RBMS3: variants seen among roughly 807,000 people sequenced by gnomAD.
RBMS3 encodes the protein RNA binding motif single stranded interacting protein 3, also known as RNA-binding motif, single-stranded-interacting protein 3.
RBMS3 carries 27 observed loss-of-function variants against 66.8 expected under a neutral mutation model. The ratio of observed to expected loss-of-function variants is 0.40; its 90% CI spans 0.30 to 0.56. The LOEUF is 0.56. Ranked by LOEUF, RBMS3 falls within the 20% of genes least tolerant of loss-of-function variation. The pLI is 0.40. For synonymous variants in RBMS3, 188 were observed against 183.0 expected (o/e 1.03, Z -0.22); for missense variants, 513 against 549.5 (o/e 0.93, Z 0.66).
intron 4 of RBMS3, among the ~76,000 whole-genome samples, chr3:29,693,257 T>G (rs570411219): frequency 6.6e-6 from 1 of 152,330 alleles, no homozygotes; most frequent in East Asian, 1.9e-4. Context: ...TGTGTGATGC[T>G]GTACAGAGCA....
At chr3:29,415,296 C>A (rs1490596056) in intron 1 of RBMS3, among the ~76,000 whole-genome samples, 1 of 152,040 alleles carries the variant, frequency 6.6e-6, no homozygotes, top group Non-Finnish European at 1.5e-5. Flanking sequence ...AGGAAGCAAT[C>A]GTTTTTCTTT....
chr3:29,371,553 A>G (rs2038204075), intron 1 of RBMS3, among the ~76,000 whole-genome samples: 1 of 152,234 alleles, frequency 6.6e-6, no homozygotes, highest in African/African-American at 2.4e-5. Context: ...ATATTAAAAC[A>G]TGATAGTGAT....
chr3:29,445,186 G>A (rs981875509), intron 2 of RBMS3, among the ~76,000 whole-genome samples: 1 of 152,012 alleles, frequency 6.6e-6, no homozygotes, highest in Non-Finnish European at 1.5e-5. Context: ...CTTGTTCTAA[G>A]GTAGAGTTTG....
intron 4 of RBMS3, among the ~76,000 whole-genome samples, chr3:29,688,757 AT>A (rs1359036884): frequency 4.0e-5 from 6 of 151,328 alleles, no homozygotes; most frequent in Non-Finnish European, 7.4e-5. Context: ...TGATTTTTGT[AT>A]TTTTAGTATA....
chr3:29,852,957 C>T (rs1233358681), intron 6 of RBMS3, among the ~76,000 whole-genome samples: 1 of 152,186 alleles, frequency 6.6e-6, no homozygotes, highest in Non-Finnish European at 1.5e-5. Flanking sequence ...GGTACAGATA[C>T]ATCATGGAAT....
intron 1 of RBMS3, among the ~76,000 whole-genome samples, chr3:29,287,504 TA>T (rs1472706620): frequency 6.6e-6 from 1 of 152,056 alleles, no homozygotes; most frequent in East Asian, 1.9e-4. Context: ...TATTGCTTTT[TA>T]AAGATATTTG....
At chr3:29,702,987 C>A (rs192494898) in intron 4 of RBMS3, among the ~76,000 whole-genome samples, 1 of 152,188 alleles carries the variant, frequency 6.6e-6, no homozygotes, top group Non-Finnish European at 1.5e-5. Context: ...GACTAACTTT[C>A]GTTAAGTGTT....
At chr3:29,680,966 C>G (rs2051460283) in intron 4 of RBMS3, among the ~76,000 whole-genome samples, 1 of 152,198 alleles carries the variant, frequency 6.6e-6, no homozygotes, top group South Asian at 2.1e-4. Flanking sequence ...ACATTGCTGT[C>G]ACCCTGGAAA....
intron 4 of RBMS3, among the ~76,000 whole-genome samples, chr3:29,707,241 T>C (rs2052943275): frequency 6.6e-6 from 1 of 152,238 alleles, no homozygotes; most frequent in Non-Finnish European, 1.5e-5. Flanking sequence ...TGCCAATGCC[T>C]ATTTAGTTTC....
chr3:29,726,645 C>G (rs535489344), intron 4 of RBMS3, among the ~76,000 whole-genome samples: 2 of 152,036 alleles, frequency 1.3e-5, no homozygotes, highest in African/African-American at 4.8e-5. Flanking sequence ...ATACAACTTA[C>G]AAGGGATGTG....
chr3:29,627,300 G>GTCTCTC lies in RBMS3; in HGVS notation c.399+40105_399+40110dup, dbSNP rs111643715. ...TTCTCTCTCTCTTCTCTCTCTCTCT[G>GTCTCTC]TCTCTCTCTCTCTCTTCTGCCTCGC... On this transcript the variant is annotated intron_variant, in intron 4 of 14. Transcript: ENST00000383767. Among the ~76,000 whole-genome samples, 29 of 147,060 alleles carry GTCTCTC rather than the reference G, an allele frequency of 2.0e-4. No homozygotes were observed. The East Asian group carries it at 2.6e-3, about 13-fold the overall frequency.
intron 1 of RBMS3, among the ~76,000 whole-genome samples, chr3:29,303,742 A>G (rs2033827752): frequency 6.6e-6 from 1 of 152,012 alleles, no homozygotes; most frequent in Non-Finnish European, 1.5e-5. Context: ...AATAAAGGGG[A>G]ATAGAGAAAC....
chr3:29,315,648 C>T (rs1039464185), intron 1 of RBMS3, among the ~76,000 whole-genome samples: 6 of 151,636 alleles, frequency 4.0e-5, no homozygotes, highest in Non-Finnish European at 8.9e-5. Context: ...TCTAGAGTCA[C>T]GATGTACTGT....
chr3:29,532,501 A>G (rs1274675876), intron 3 of RBMS3, among the ~76,000 whole-genome samples: 1 of 151,902 alleles, frequency 6.6e-6, no homozygotes, highest in East Asian at 1.9e-4. Context: ...AAAGTTTCCA[A>G]GCTCTTACAA....
At chr3:29,539,913 G>T (rs1225479338) in intron 3 of RBMS3, among the ~76,000 whole-genome samples, 2 of 152,184 alleles carry the variant, frequency 1.3e-5, no homozygotes, top group Non-Finnish European at 2.9e-5. Context: ...TTGAGAGAAG[G>T]AAATCATCTT....
At chr3:29,422,467 T>A (rs1287799369) in intron 1 of RBMS3, among the ~76,000 whole-genome samples, 2 of 151,704 alleles carry the variant, frequency 1.3e-5, no homozygotes, top group Admixed American at 6.6e-5. Context: ...TGGATGTGCC[T>A]ATATTCTTTC....
At chr3:29,758,851 G>A (rs948003504) in intron 5 of RBMS3, among the ~76,000 whole-genome samples, 17 of 152,092 alleles carry the variant, frequency 1.1e-4, no homozygotes, top group Admixed American at 9.8e-4. Context: ...CAGAAATGAG[G>A]ATGACTGGCT....
At chr3:29,295,311 A>T (rs1464961660) in intron 1 of RBMS3, among the ~76,000 whole-genome samples, 1 of 127,098 alleles carries the variant, frequency 7.9e-6, no homozygotes, top group East Asian at 2.0e-4. Flanking sequence ...ATATCTATAT[A>T]TATACATATA....
chr3:29,453,090 C>T (rs552258475), intron 2 of RBMS3, among the ~76,000 whole-genome samples: 26 of 152,132 alleles, frequency 1.7e-4, no homozygotes, highest in Admixed American at 3.9e-4. Flanking sequence ...TTTGAATCCC[C>T]GCTGCTTCCC....
Sources: allele counts gnomAD v4.1 joint callset (sites outside exome capture counted in the v4.1 genomes callset), GRCh38; gene constraint gnomAD v4.1.1; transcripts MANE v1.5; gene names NCBI Gene and HGNC (gene_info 2026-07-23, HGNC 2026-07-21).